ST6GALNAC2: variants seen among roughly 807,000 people sequenced by gnomAD.
ST6GALNAC2 encodes ST6 N-acetylgalactosaminide alpha-2,6-sialyltransferase 2, also known as alpha-N-acetylgalactosaminide alpha-2,6-sialyltransferase 2.
ST6GALNAC2 carries 42 observed loss-of-function variants against 38.7 expected under a neutral mutation model. That is an observed-to-expected ratio of 1.09 (90% confidence interval 0.85 to 1.40). ST6GALNAC2 has a LOEUF of 1.40. Ranked by LOEUF, ST6GALNAC2 falls within the 40% of genes most tolerant of loss-of-function variation. ST6GALNAC2 has a pLI of 0.00. For synonymous variants in ST6GALNAC2, 233 were observed against 209.0 expected, an observed-to-expected ratio of 1.11 and a Z score of -0.99; for missense variants, 506 against 481.7, an observed-to-expected ratio of 1.05 and a Z score of -0.47.
In ST6GALNAC2 at chr17:76,565,819, C is replaced by T. The variant is rs1305926403; in HGVS notation, c.*285G>A. 4 of 335,986 alleles carry T rather than the reference C, an allele frequency of 1.2e-5. No homozygotes were observed. In the East Asian group the frequency reaches 2.5e-4, roughly 21 times the overall value. 20.8% of individuals were successfully genotyped at this position (335,986 alleles called of 1,614,324 possible). On this transcript the variant is annotated 3_prime_UTR_variant, in exon 9 of 9. Coordinates refer to ENST00000225276, the MANE Select transcript of ST6GALNAC2 (RefSeq NM_006456.3). ...CTGCTGTCTGATCTTGCTGAACACTCCACCGACATTTCCTAAAGTTGCTCA... is the reference window on the plus strand; with the variant it reads ...CTGCTGTCTGATCTTGCTGAACACTTCACCGACATTTCCTAAAGTTGCTCA...
rs903075700 is a variant in ST6GALNAC2, at chr17:76,572,752, C to G, written c.554G>C (p.Gly185Ala). 2.5e-6 allele frequency: 4 copies of G among 1,614,174 alleles called. No homozygotes were observed. Among genetic ancestry groups the G allele is most frequent in the Non-Finnish European group, 3.4e-6 (4 of 1,180,020 alleles). Residue 185 changes from glycine (G) to alanine (A), a missense_variant, in exon 5 of 9, where the codon GGC (glycine) becomes GCC (alanine). Coordinates refer to ENST00000225276, the MANE Select transcript of ST6GALNAC2 (RefSeq NM_006456.3). ...VFRLNGAVIK[G>A]FERDVGTKTS... The stretch of plus-strand genomic sequence containing the variant: ...CTTGGTGCCCACATCGCGCTCGAAG[C>G]CTTTGATCACAGCTCCATTGAGTCT...
chr17:76,578,912 CA>C, intron 1 of ST6GALNAC2, 96 bp from the exon 2 acceptor site: 1 of 1,046,842 alleles, frequency 9.6e-7, no homozygotes, highest in Non-Finnish European at 1.4e-6. Flanking sequence ...TAGGGGCGGA[CA>C]AAGTCTGTCT....
rs555115012 is a variant in ST6GALNAC2 at position 76,575,638 on chromosome 17, C to T, written c.187-1099G>A. On this transcript the variant is annotated intron_variant, in intron 2 of 8. Transcript: ENST00000225276. ...CTGTGACGATTCAATTTCTGTGGAT[C>T]GAAGCCCCCCAGGCTGTGATCATTT... Among the ~76,000 whole-genome samples the T allele has an allele frequency of 1.1e-3, 175 of 152,206 alleles. 1 individual carries two copies. Among genetic ancestry groups the T allele is most frequent in the African/African-American group, 3.9e-3 (162 of 41,522 alleles).
rs1017460284 is a variant in ST6GALNAC2 at position 76,573,695 on chromosome 17, A to T, written c.362-332T>A. Reference sequence around the variant, plus strand: ...GTAATACCAGAACTTTGGAAGGGTGAGGTGGGTGAATCACTTGAGGCCAGG... The same window carrying T: ...GTAATACCAGAACTTTGGAAGGGTGTGGTGGGTGAATCACTTGAGGCCAGG... On this transcript the variant is annotated intron_variant, in intron 3 of 8. Transcript: ENST00000225276. This position sits in a 1 kb window ranked among gnomAD's most constrained non-coding sequence, Gnocchi z 5.1. Among the ~76,000 whole-genome samples, 3 of 152,140 alleles carry T rather than the reference A, an allele frequency of 2.0e-5. No individual in the cohort carries two copies. The highest frequency in any genetic ancestry group is 6.5e-5 in the Admixed American group (1 of 15,284).
rs533234972 is a variant in ST6GALNAC2 at position 76,566,031 on chromosome 17, A to G, written c.*73T>C. On this transcript the variant is annotated 3_prime_UTR_variant, in exon 9 of 9. Coordinates refer to ENST00000225276, the MANE Select transcript of ST6GALNAC2 (RefSeq NM_006456.3). ...AAGGGAAGGTGAAGATTGAAAAGTT[A>G]AAAAAGCTTTTGGCCACTTGAGAGG... 8 of 1,498,928 alleles carry G rather than the reference A, an allele frequency of 5.3e-6. No homozygotes were observed. In the African/African-American group the frequency reaches 9.9e-5, roughly 18 times the overall value. 92.9% of individuals were successfully genotyped at this position (1,498,928 alleles called of 1,614,324 possible). A position where few individuals can be genotyped will look rare whatever the true frequency, so the allele number is the denominator to read the frequency against.
rs1423057905 is a variant in ST6GALNAC2, at chr17:76,585,577, G to A, written c.125+107C>T. 11 of 1,281,266 alleles carry A rather than the reference G, an allele frequency of 8.6e-6. No homozygotes were observed. The East Asian group carries it at 3.1e-4, about 36-fold the overall frequency. 79.4% of individuals were successfully genotyped at this position (1,281,266 alleles called of 1,614,324 possible). A position where few individuals can be genotyped will look rare whatever the true frequency, so the allele number is the denominator to read the frequency against. Reference sequence around the variant, plus strand: ...AGAGCTGCCCCAGAGGGGTCCACGCGGAGGTTGGGCTGAGGGCTGCGGGCC... The same window carrying A: ...AGAGCTGCCCCAGAGGGGTCCACGCAGAGGTTGGGCTGAGGGCTGCGGGCC... On this transcript the variant is annotated intron_variant, in intron 1 of 8. Coordinates refer to ENST00000225276, the MANE Select transcript of ST6GALNAC2 (RefSeq NM_006456.3).
intron 6 of ST6GALNAC2, chr17:76,570,192 A>G (rs12601258): frequency 0.44 from 105,871 of 240,862 alleles, 26,727 homozygotes; most frequent in East Asian, 0.62. Context: ...TCAGTGGGAC[A>G]GCGGACCCAG....
intron 6 of ST6GALNAC2, chr17:76,569,064 G>A (rs2075321486): frequency 2.5e-5 from 3 of 118,128 alleles, no homozygotes; most frequent in African/African-American, 9.1e-5. Flanking sequence ...TTGGGAAGGG[G>A]CAGTTAAACT....
At chr17:76,567,330 TG>T in intron 8 of ST6GALNAC2, 122 bp downstream of exon 8, 1 of 694,388 alleles carries the variant, frequency 1.4e-6, no homozygotes, top group Non-Finnish European at 2.5e-6. Context: ...CTCTTGGAAC[TG>T]GGGATTCCAC....
At chr17:76,572,108 C>T (rs535989819) in intron 5 of ST6GALNAC2, among the ~76,000 whole-genome samples, 2 of 152,078 alleles carry the variant, frequency 1.3e-5, no homozygotes, top group Non-Finnish European at 1.5e-5. Flanking sequence ...AACCTCTCAG[C>T]GTCCCTGCTT....
intron 8 of ST6GALNAC2, 135 bp from the exon 9 acceptor site, chr17:76,566,406 A>G: frequency 2.2e-6 from 2 of 910,800 alleles, no homozygotes; most frequent in Admixed American, 4.4e-5. Flanking sequence ...ATTCCCACTT[A>G]GCAAGTGGGG....
chr17:76,567,704 G>T, intron 7 of ST6GALNAC2, 152 bp from the exon 8 acceptor site: 11 of 540,878 alleles, frequency 2.0e-5, no homozygotes, highest in South Asian at 2.1e-5. Flanking sequence ...TAAATACAAA[G>T]ATCTTTGAGA....
chr17:76,570,787 C>T (rs2143295733), intron 5 of ST6GALNAC2, 119 bp from the exon 6 acceptor site: 2 of 723,592 alleles, frequency 2.8e-6, no homozygotes, highest in Non-Finnish European at 2.4e-6. Context: ...CCTTAAATAC[C>T]TTTCATTCCC....
rs377635058 is a variant in ST6GALNAC2, at chr17:76,570,603, C to T, written c.735G>A (p.Leu245=). The T allele has an allele frequency of 7.4e-6, 12 of 1,613,252 alleles. No individual in the cohort carries two copies. Among genetic ancestry groups the T allele is most frequent in the Non-Finnish European group, 1.0e-5 (12 of 1,179,774 alleles). ...RDYVMLRSAI[L]GVPVPEGLDK... ...CTAGGCCCTCAGGGACAGGCACGCCCAGAATGGCCGATCTCAGCATCACAT... is the reference window on the plus strand; with the variant it reads ...CTAGGCCCTCAGGGACAGGCACGCCTAGAATGGCCGATCTCAGCATCACAT... The change falls in exon 6 of 9, where the codon CTG becomes CTA. Residue 245 remains leucine, a synonymous_variant. Coordinates refer to ENST00000225276, the MANE Select transcript of ST6GALNAC2 (RefSeq NM_006456.3).
chr17:76,573,234 C>T lies in ST6GALNAC2; in HGVS notation c.491G>A (p.Arg164His), dbSNP rs568934935. ...ATGGGCATCGATGTTGGGACCCTGG[C>T]GGGACCCATTCAGAATGCCTCCGTT... Reference protein sequence around the residue: ...VGNGGILNGSRQGPNIDAHDY... With the variant: ...VGNGGILNGSHQGPNIDAHDY... Residue 164 changes from arginine (R) to histidine (H), a missense_variant, in exon 4 of 9, where the codon CGC becomes CAC. Physicochemically the swap from Arg to His is conservative, Grantham distance 29 (BLOSUM62 0). Coordinates refer to ENST00000225276, the MANE Select transcript of ST6GALNAC2 (RefSeq NM_006456.3). This position sits in a 1 kb window ranked among gnomAD's most constrained non-coding sequence, Gnocchi z 5.1. The T allele has an allele frequency of 1.8e-5, 29 of 1,613,388 alleles. No homozygotes were observed. The highest frequency in any genetic ancestry group is 3.3e-5 in the South Asian group (3 of 90,958).
At position 76,573,531 on chromosome 17, in the gene ST6GALNAC2, A is replaced by G. The variant is rs532062827; in HGVS notation, c.362-168T>C. The stretch of plus-strand genomic sequence containing the variant: ...GGAGATGTCTGTGGGGGGAGAATTG[A>G]AAAGCTGACAGTGGAAGAGGGGGCT... On this transcript the variant is annotated intron_variant, in intron 3 of 8. Transcript: ENST00000225276. This position sits in a 1 kb window ranked among gnomAD's most constrained non-coding sequence, Gnocchi z 5.1. Among the ~76,000 whole-genome samples, 1 of 152,298 alleles carries G rather than the reference A, an allele frequency of 6.6e-6. No homozygotes were observed. Among genetic ancestry groups the G allele is most frequent in the East Asian group, 1.9e-4 (1 of 5,180 alleles).
chr17:76,584,472 A>C (rs2075519946), intron 1 of ST6GALNAC2, among the ~76,000 whole-genome samples: 1 of 152,132 alleles, frequency 6.6e-6, no homozygotes, highest in Non-Finnish European at 1.5e-5. Flanking sequence ...TCTTTACATA[A>C]AAGTGACAAG....
At position 76,566,086 on chromosome 17, in the gene ST6GALNAC2, G is replaced by C; in HGVS notation, c.*18C>G. 6.2e-7 allele frequency: 1 copy of C among 1,600,968 alleles called. No homozygotes were observed. The highest frequency in any genetic ancestry group is 8.5e-7 in the Non-Finnish European group (1 of 1,173,548). ...GGGCCGCAACTCTTGAAGAAGCAAAGGGCTCAGTGCATTGGGGTCAGCGCT... is the reference window on the plus strand; with the variant it reads ...GGGCCGCAACTCTTGAAGAAGCAAACGGCTCAGTGCATTGGGGTCAGCGCT... On this transcript the variant is annotated 3_prime_UTR_variant, in exon 9 of 9. Coordinates refer to ENST00000225276, the MANE Select transcript of ST6GALNAC2 (RefSeq NM_006456.3).
intron 6 of ST6GALNAC2, chr17:76,569,699 G>A (rs1567927489): frequency 1.0e-5 from 4 of 398,432 alleles, no homozygotes; most frequent in Non-Finnish European, 1.8e-5. Flanking sequence ...CAGCCCCTAA[G>A]GGCCCAAGCC....
Sources: allele counts gnomAD v4.1 joint callset (sites outside exome capture counted in the v4.1 genomes callset), GRCh38; gene constraint gnomAD v4.1.1; non-coding constraint Gnocchi (gnomAD v3.1); transcripts MANE v1.5; gene names NCBI Gene and HGNC (gene_info 2026-07-23, HGNC 2026-07-21).